The following NIBAN1 variants were observed in gnomAD, a reference collection of about 807,000 sequenced individuals.
NIBAN1 encodes the protein niban apoptosis regulator 1, also known as protein Niban 1.
A neutral mutation model predicts 75.1 loss-of-function variants in NIBAN1; 81 were observed. The ratio of observed to expected loss-of-function variants is 1.08; its 90% CI spans 0.90 to 1.30. NIBAN1 has a LOEUF of 1.30. Ranked by LOEUF, NIBAN1 falls within the 50% of genes most tolerant of loss-of-function variation. NIBAN1 has a pLI of 0.00. For synonymous variants in NIBAN1, 436 were observed against 424.8 expected (o/e 1.03, Z -0.32); for missense variants, 1,133 against 1,128.1 (o/e 1.00, Z -0.06).
intron 5 of NIBAN1, among the ~76,000 whole-genome samples, chr1:184,845,517 T>A (rs1259198650): frequency 6.6e-6 from 1 of 152,190 alleles, no homozygotes; most frequent in Non-Finnish European, 1.5e-5. Flanking sequence ...TTTTAATACT[T>A]TGGGAGGCCA....
intron 6 of NIBAN1, among the ~76,000 whole-genome samples, chr1:184,827,651 C>T (rs2102230098): frequency 6.8e-6 from 1 of 147,314 alleles, no homozygotes; most frequent in Middle Eastern, 3.6e-3. Context: ...TCTATCACTC[C>T]TACAAGAAAC....
intron 1 of NIBAN1, among the ~76,000 whole-genome samples, chr1:184,964,545 G>C (rs1198657193): frequency 1.3e-5 from 2 of 152,210 alleles, no homozygotes; most frequent in African/African-American, 4.8e-5. Flanking sequence ...TGTAAACCTT[G>C]ATTGCTTCTT....
chr1:184,900,819 A>G (rs1656935359), intron 1 of NIBAN1, among the ~76,000 whole-genome samples: 1 of 152,248 alleles, frequency 6.6e-6, no homozygotes, highest in South Asian at 2.1e-4. Context: ...ATGAGTCCGC[A>G]GAACAGGGTA....
chr1:184,972,394 C>G (rs1427562041), intron 1 of NIBAN1, among the ~76,000 whole-genome samples: 1 of 152,226 alleles, frequency 6.6e-6, no homozygotes, highest in African/African-American at 2.4e-5. Context: ...GAAATCACAG[C>G]CCTGTGACCC....
At chr1:184,806,098 G>T in intron 10 of NIBAN1, 42 bp from the exon 11 acceptor site, 1 of 1,545,360 alleles carries the variant, frequency 6.5e-7, no homozygotes. Flanking sequence ...ACAGTCAGGG[G>T]CTGGGATCAC....
chr1:184,798,866 T>C (rs1002712326), intron 12 of NIBAN1, among the ~76,000 whole-genome samples: 6 of 152,114 alleles, frequency 3.9e-5, no homozygotes, highest in African/African-American at 1.4e-4. Flanking sequence ...ATAATTATTT[T>C]GCATTTGTTT....
intron 9 of NIBAN1, among the ~76,000 whole-genome samples, chr1:184,809,312 T>C (rs921930416): frequency 6.6e-6 from 1 of 152,158 alleles, no homozygotes; most frequent in Admixed American, 6.5e-5. Context: ...CCTCACCAAA[T>C]GGAATGTGTC....
rs1653794817 is a variant in NIBAN1 at position 184,794,914 on chromosome 1, C to G, written c.*63G>C. On this transcript the variant is annotated 3_prime_UTR_variant, in exon 14 of 14. Transcript: ENST00000367511. ...TTTGGTAACAGCTTGCATGCAACCC[C>G]TAAGTGTACCCCTATAACCCTTTGG... The G allele has an allele frequency of 2.5e-6, 4 of 1,598,712 alleles. No homozygotes were observed. The highest frequency in any genetic ancestry group is 1.1e-5 in the South Asian group (1 of 90,868).
At chr1:184,879,029 T>C (rs566141667) in intron 5 of NIBAN1, among the ~76,000 whole-genome samples, 3 of 152,274 alleles carry the variant, frequency 2.0e-5, no homozygotes, top group Non-Finnish European at 4.4e-5. Flanking sequence ...GTACTAACTA[T>C]GTGAGGCAAA....
At chr1:184,922,422 C>T (rs1354184805) in intron 1 of NIBAN1, among the ~76,000 whole-genome samples, 1 of 152,140 alleles carries the variant, frequency 6.6e-6, no homozygotes, top group East Asian at 1.9e-4. Flanking sequence ...CTGGTAACTA[C>T]TGTTCTACTC....
chr1:184,936,710 CGT>C (rs1256798053), intron 1 of NIBAN1, among the ~76,000 whole-genome samples: 2 of 151,690 alleles, frequency 1.3e-5, no homozygotes, highest in Admixed American at 1.3e-4. Context: ...TGTGTGTGTG[CGT>C]GTGTGTGTGT....
intron 1 of NIBAN1, among the ~76,000 whole-genome samples, chr1:184,943,322 G>A (rs956153362): frequency 6.6e-6 from 1 of 151,970 alleles, no homozygotes; most frequent in African/African-American, 2.4e-5. Context: ...AGAGACTACA[G>A]TTCAATTTTA....
In NIBAN1 at chr1:184,974,317, A is replaced by T. The variant is rs1324242558; in HGVS notation, c.40T>A (p.Cys14Ser). Residue 14 changes from cysteine (C) to serine (S), a missense_variant, in exon 1 of 14, where the codon TGC becomes AGC. Transcript: ENST00000367511. ...GCGGGCGTACCTCGGATGTAAGCGC[A>T]CTTGCCCTCGTCCAGCTGGCTGGAG... Reference protein sequence around the residue: ...SASSQLDEGKCAYIRGKTEAA... With the variant: ...SASSQLDEGKSAYIRGKTEAA... 3 of 1,567,256 alleles carry T rather than the reference A, an allele frequency of 1.9e-6. No individual in the cohort carries two copies. Among genetic ancestry groups the T allele is most frequent in the East Asian group, 2.4e-5 (1 of 42,140 alleles).
intron 6 of NIBAN1, among the ~76,000 whole-genome samples, chr1:184,825,316 A>G (rs2102226498): frequency 6.6e-6 from 1 of 152,376 alleles, no homozygotes; most frequent in East Asian, 1.9e-4. Context: ...GGTTCATTGA[A>G]GAAGAGAGTT....
In NIBAN1 at chr1:184,794,927, T is replaced by C; in HGVS notation, c.*50A>G. ...TGCATGCAACCCCTAAGTGTACCCC[T>C]ATAACCCTTTGGCTTTTTTCAGAGA... On this transcript the variant is annotated 3_prime_UTR_variant, in exon 14 of 14. Transcript: ENST00000367511. The C allele has an allele frequency of 6.2e-7, 1 of 1,601,106 alleles. No individual in the cohort carries two copies. The highest frequency in any genetic ancestry group is 8.5e-7 in the Non-Finnish European group (1 of 1,179,768).
rs1653772468 is a variant in NIBAN1 at position 184,794,193 on chromosome 1, ATAACT to A, written c.*779_*783del. 6.6e-6 allele frequency: 1 copy of A among 152,288 alleles called. No homozygotes were observed. The highest frequency in any genetic ancestry group is 1.5e-5 in the Non-Finnish European group (1 of 68,112). The allele number at this position is 152,288 out of a possible 1,614,324, so 9.4% of individuals were successfully genotyped here. ...GTTTAATTGACGGGTTTTAAGCTCGATAACTTAGCTAAGCCCTTTGCACAGTCTAA... is the reference window on the plus strand; with the variant it reads ...GTTTAATTGACGGGTTTTAAGCTCGATAGCTAAGCCCTTTGCACAGTCTAA... On this transcript the variant is annotated 3_prime_UTR_variant, in exon 14 of 14. Coordinates refer to ENST00000367511, the MANE Select transcript of NIBAN1 (RefSeq NM_052966.4).
chr1:184,943,304 TAAAGA>T (rs148365663), intron 1 of NIBAN1, among the ~76,000 whole-genome samples: 2,532 of 152,270 alleles, frequency 0.017, 62 homozygotes, highest in African/African-American at 0.057. Context: ...CCTGAGAAAG[TAAAGA>T]AAAGAGACTA....
chr1:184,965,691 A>G (rs772426646), intron 1 of NIBAN1, among the ~76,000 whole-genome samples: 1 of 152,170 alleles, frequency 6.6e-6, no homozygotes, highest in Non-Finnish European at 1.5e-5. Context: ...AAAATAACTA[A>G]TGGATACTAG....
chr1:184,943,850 G>A (rs568347510), intron 1 of NIBAN1, among the ~76,000 whole-genome samples: 2 of 152,230 alleles, frequency 1.3e-5, no homozygotes, highest in African/African-American at 2.4e-5. Flanking sequence ...ACTAGACACC[G>A]AGGTGATATA....
Sources: gnomAD v4.1 joint callset for allele counts (sites outside exome capture counted in the v4.1 genomes callset) on GRCh38, gnomAD v4.1.1 for gene constraint, MANE v1.5 for transcripts, NCBI Gene and HGNC (gene_info 2026-07-23, HGNC 2026-07-21) for gene names.